IQCB1: variants seen among roughly 807,000 people sequenced by gnomAD.
The protein encoded by IQCB1 is IQ motif containing B1, also known as IQ calmodulin-binding motif-containing protein 1.
A neutral mutation model predicts 84.4 loss-of-function variants in IQCB1; 56 were observed. The observed-to-expected ratio is 0.66, with a 90% CI of 0.54 to 0.83. The LOEUF is 0.83. IQCB1 is among the 40% of genes least tolerant of loss of function. The pLI, the probability that IQCB1 is intolerant of heterozygous loss-of-function variation, is 0.00. For missense variants in IQCB1, 629 were observed against 682.1 expected, an observed-to-expected ratio of 0.92 and a Z score of 0.87; for synonymous variants, 210 against 234.8, an observed-to-expected ratio of 0.89 and a Z score of 0.96.
intron 7 of IQCB1, among the ~76,000 whole-genome samples, 188 bp downstream of exon 7, chr3:121,807,156 A>C (rs1559782844): frequency 1.2e-5 from 1 of 80,452 alleles, no homozygotes; most frequent in Non-Finnish European, 2.5e-5. Flanking sequence ...ATGGTGATGG[A>C]ACTTCAGCAT....
intron 12 of IQCB1, among the ~76,000 whole-genome samples, chr3:121,787,588 T>TA (rs1948787787): frequency 6.6e-6 from 1 of 151,994 alleles, no homozygotes; most frequent in South Asian, 2.1e-4. Context: ...CCGTCTCTAT[T>TA]AAAAATACAA....
At chr3:121,778,226 G>A (rs1393163164) in intron 13 of IQCB1, among the ~76,000 whole-genome samples, 1 of 151,998 alleles carries the variant, frequency 6.6e-6, no homozygotes, top group Non-Finnish European at 1.5e-5. Flanking sequence ...CTTTTTAATG[G>A]GGTTGTCTTT....
chr3:121,782,766 C>A (rs1283034465), intron 12 of IQCB1, among the ~76,000 whole-genome samples: 1 of 152,084 alleles, frequency 6.6e-6, no homozygotes, highest in Non-Finnish European at 1.5e-5. Context: ...GCAACCTCCA[C>A]CCCGCCAGGT....
intron 5 of IQCB1, among the ~76,000 whole-genome samples, chr3:121,816,054 A>T (rs1950042500): frequency 6.6e-6 from 1 of 152,188 alleles, no homozygotes; most frequent in African/African-American, 2.4e-5. Context: ...ACAGCATGGT[A>T]CTGGTATCAA....
At chr3:121,832,983 CTACT>C (rs577233509) in intron 2 of IQCB1, among the ~76,000 whole-genome samples, 29 of 152,284 alleles carry the variant, frequency 1.9e-4, no homozygotes, top group African/African-American at 6.7e-4. Context: ...TTTTTGGACT[CTACT>C]TAGTTTCTAG....
chr3:121,795,723 T>G (rs896673310), intron 9 of IQCB1, among the ~76,000 whole-genome samples, 157 bp from the exon 10 acceptor site: 7 of 152,262 alleles, frequency 4.6e-5, no homozygotes, highest in Admixed American at 4.6e-4. Context: ...GGAGGTATGT[T>G]AGGCTTGGTA....
At chr3:121,788,168 G>C in intron 12 of IQCB1, 116 bp downstream of exon 12, 5 of 1,039,332 alleles carry the variant, frequency 4.8e-6, no homozygotes, top group Non-Finnish European at 7.4e-6. Context: ...AAAAACTAAG[G>C]CTCAAGAAAA....
intron 13 of IQCB1, 96 bp downstream of exon 13, chr3:121,781,647 A>ACG: frequency 1.1e-6 from 1 of 894,756 alleles, no homozygotes; most frequent in East Asian, 2.8e-5. Flanking sequence ...ACACACACAC[A>ACG]CACACACACA....
In IQCB1 at chr3:121,825,307, G is replaced by A. The variant is rs571542862; in HGVS notation, c.393+744C>T. Reference sequence around the variant, plus strand: ...ACTCCCAACCTCAGGTGATCCGCCCGCCTCGGCCTCCCAAACTGCTGGGAT... The same window carrying A: ...ACTCCCAACCTCAGGTGATCCGCCCACCTCGGCCTCCCAAACTGCTGGGAT... On this transcript the variant is annotated intron_variant, in intron 5 of 14. Coordinates refer to ENST00000310864, the MANE Select transcript of IQCB1 (RefSeq NM_001023570.4). 1.9e-3 allele frequency among the ~76,000 whole-genome samples: 285 copies of A among 152,106 alleles called. 1 individual carries two copies. The highest frequency in any genetic ancestry group is 0.013 in the South Asian group (64 of 4,824).
intron 12 of IQCB1, among the ~76,000 whole-genome samples, chr3:121,785,192 C>T (rs1948657152): frequency 6.6e-6 from 1 of 151,992 alleles, no homozygotes. Context: ...GCCAAGGACA[C>T]TAATAACCAG....
intron 2 of IQCB1, among the ~76,000 whole-genome samples, chr3:121,829,964 T>C (rs1350303928): frequency 6.6e-6 from 1 of 152,132 alleles, no homozygotes; most frequent in African/African-American, 2.4e-5. Context: ...CCCAGCACTT[T>C]GGGAGGCCAA....
At chr3:121,799,162 A>C (rs1353650632) in intron 8 of IQCB1, 34 bp downstream of exon 8, 1 of 1,546,702 alleles carries the variant, frequency 6.5e-7, no homozygotes, top group East Asian at 2.3e-5. Flanking sequence ...TTTCTTTTTG[A>C]GAATCCCAAG....
chr3:121,824,668 G>GTTTTTCC lies in IQCB1; in HGVS notation c.393+1382_393+1383insGGAAAAA, dbSNP rs1950398560. 2.0e-5 allele frequency among the ~76,000 whole-genome samples: 3 copies of GTTTTTCC among 149,358 alleles called. No homozygotes were observed. The South Asian group carries it at 6.3e-4, about 31-fold the overall frequency. ...GATAATAGCTTTCATTCATCCAGAA[G>GTTTTTCC]ATATAATATTCCTAAATGTGTATGT... On this transcript the variant is annotated intron_variant, in intron 5 of 14. Coordinates refer to ENST00000310864, the MANE Select transcript of IQCB1 (RefSeq NM_001023570.4).
intron 13 of IQCB1, among the ~76,000 whole-genome samples, chr3:121,775,788 T>C (rs557461893): frequency 2.6e-5 from 4 of 152,206 alleles, no homozygotes; most frequent in African/African-American, 9.6e-5. Flanking sequence ...AAACAACAAA[T>C]ATTGAAAGGG....
chr3:121,786,096 C>T (rs13320760), intron 12 of IQCB1, among the ~76,000 whole-genome samples: 2,572 of 146,386 alleles, frequency 0.018, 52 homozygotes, highest in Middle Eastern at 0.031. Flanking sequence ...TCTTGAGCCT[C>T]GCAGATAAAG....
chr3:121,830,295 A>T (rs1339519456), intron 2 of IQCB1, among the ~76,000 whole-genome samples: 1 of 151,866 alleles, frequency 6.6e-6, no homozygotes, highest in African/African-American at 2.4e-5. Flanking sequence ...CCACATCCTA[A>T]TTTGTTGCTA....
intron 14 of IQCB1, among the ~76,000 whole-genome samples, chr3:121,771,267 C>T (rs1471298240): frequency 5.3e-5 from 8 of 151,962 alleles, no homozygotes; most frequent in South Asian, 4.2e-4. Context: ...CCACCGTGCC[C>T]GGCCATTTCT....
chr3:121,828,850 G>T lies in IQCB1; in HGVS notation c.100+11C>A. On this transcript the variant is annotated intron_variant, in intron 3 of 14. Transcript: ENST00000310864. ...TTAAAATGCTATCTAATCACAAAAA[G>T]ATTTTCTTACCTTTTAACTTCAACA... 2.0e-6 allele frequency: 3 copies of T among 1,496,492 alleles called. No homozygotes were observed. The highest frequency in any genetic ancestry group is 2.3e-5 in the East Asian group (1 of 44,254). 92.7% of individuals were successfully genotyped at this position (1,496,492 alleles called of 1,614,324 possible). A position where few individuals can be genotyped will look rare whatever the true frequency, so the allele number is the denominator to read the frequency against.
At chr3:121,826,746 T>C (rs1270137578) in intron 4 of IQCB1, among the ~76,000 whole-genome samples, 1 of 152,072 alleles carries the variant, frequency 6.6e-6, no homozygotes, top group Non-Finnish European at 1.5e-5. Flanking sequence ...CAATATACAT[T>C]AGAGGAGAGA....
Sources: gnomAD v4.1 joint callset for allele counts (sites outside exome capture counted in the v4.1 genomes callset) on GRCh38, gnomAD v4.1.1 for gene constraint, MANE v1.5 for transcripts, NCBI Gene and HGNC (gene_info 2026-07-23, HGNC 2026-07-21) for gene names.